The following ZFAND3 variants were observed in gnomAD, a reference collection of about 807,000 sequenced individuals.
ZFAND3 encodes zinc finger AN1-type containing 3, also known as AN1-type zinc finger protein 3.
Under a neutral mutation model 29.6 loss-of-function variants are expected in ZFAND3, and 10 were observed. The observed-to-expected ratio is 0.34, with a 90% CI of 0.21 to 0.57. The LOEUF (loss-of-function observed/expected upper bound fraction) is 0.57. Ranked by LOEUF, ZFAND3 falls within the 20% of genes least tolerant of loss-of-function variation. The probability of loss-of-function intolerance (pLI) is 0.86; values close to 1 mark genes in which losing one functional copy is unlikely to be tolerated. For missense variants in ZFAND3, 230 were observed against 304.5 expected (o/e 0.76, Z 1.82); for synonymous variants, 128 against 112.6 (o/e 1.14, Z -0.87).
rs566018536 is a variant in ZFAND3 at position 37,910,962 on chromosome 6, A to G, written c.72-18997A>G. ...CATCCATTAATGGGCACTTAGGTTGATTTCATGTCTTGGCTATTGTGAATA... is the reference window on the plus strand; with the variant it reads ...CATCCATTAATGGGCACTTAGGTTGGTTTCATGTCTTGGCTATTGTGAATA... On this transcript the variant is annotated intron_variant, in intron 1 of 5. Coordinates refer to ENST00000287218, the MANE Select transcript of ZFAND3 (RefSeq NM_021943.3). 1.3e-4 allele frequency among the ~76,000 whole-genome samples: 20 copies of G among 152,240 alleles called. No homozygotes were observed. The South Asian group carries it at 4.1e-3, about 32-fold the overall frequency.
At chr6:37,943,198 T>C (rs1003815480) in intron 2 of ZFAND3, among the ~76,000 whole-genome samples, 2 of 152,192 alleles carry the variant, frequency 1.3e-5, no homozygotes, top group African/African-American at 4.8e-5. Context: ...GGGAAAGTCT[T>C]GCAAGCCCTA....
chr6:38,114,010 G>A (rs1233159652), intron 4 of ZFAND3, among the ~76,000 whole-genome samples: 1 of 152,218 alleles, frequency 6.6e-6, no homozygotes, highest in Non-Finnish European at 1.5e-5. Flanking sequence ...TTAGAGTAGA[G>A]GTGTGCTGGC....
chr6:38,081,749 T>G (rs1351097376), intron 3 of ZFAND3, among the ~76,000 whole-genome samples: 6 of 152,230 alleles, frequency 3.9e-5, no homozygotes, highest in African/African-American at 1.2e-4. Context: ...CAACTATATC[T>G]CTTGCATACT....
intron 2 of ZFAND3, among the ~76,000 whole-genome samples, chr6:38,055,115 A>G (rs1561982604): frequency 6.6e-6 from 1 of 152,212 alleles, no homozygotes; most frequent in Non-Finnish European, 1.5e-5. Context: ...TATATGAACC[A>G]AACTCTTGAG....
intron 2 of ZFAND3, among the ~76,000 whole-genome samples, chr6:37,950,154 T>G (rs1260135038): frequency 6.6e-6 from 1 of 152,216 alleles, no homozygotes; most frequent in Non-Finnish European, 1.5e-5. Flanking sequence ...ATACTTAGGT[T>G]CCACTTGTTA....
chr6:37,906,399 T>A (rs993811341), intron 1 of ZFAND3, among the ~76,000 whole-genome samples: 2 of 152,218 alleles, frequency 1.3e-5, no homozygotes, highest in Non-Finnish European at 2.9e-5. Flanking sequence ...AACATTCCAT[T>A]GTATGGATAT....
intron 2 of ZFAND3, among the ~76,000 whole-genome samples, chr6:37,936,150 T>C (rs1343728175): frequency 6.6e-6 from 1 of 152,218 alleles, no homozygotes; most frequent in Non-Finnish European, 1.5e-5. Context: ...ATGGTTTTGC[T>C]GACCTCCTAA....
chr6:37,955,395 C>A (rs946453064), intron 2 of ZFAND3, among the ~76,000 whole-genome samples: 11 of 152,208 alleles, frequency 7.2e-5, no homozygotes, highest in African/African-American at 2.6e-4. Context: ...AGTTTGGTTG[C>A]TTTTTAAGGG....
At chr6:38,136,388 C>T (rs978280627) in intron 5 of ZFAND3, among the ~76,000 whole-genome samples, 2 of 152,098 alleles carry the variant, frequency 1.3e-5, no homozygotes, top group African/African-American at 4.8e-5. Context: ...GGTGGGTGAC[C>T]GGAAGACAGA....
chr6:38,148,491 A>C (rs1766154473), intron 5 of ZFAND3, among the ~76,000 whole-genome samples: 1 of 152,160 alleles, frequency 6.6e-6, no homozygotes, highest in South Asian at 2.1e-4. Flanking sequence ...AGGAAGTGTT[A>C]AGGCTGGCCT....
chr6:37,948,708 A>G (rs915202808), intron 2 of ZFAND3, among the ~76,000 whole-genome samples: 10 of 152,102 alleles, frequency 6.6e-5, no homozygotes, highest in Non-Finnish European at 1.5e-5. Context: ...AACATGTGGT[A>G]TTTCGTTTTC....
chr6:37,874,161 C>A (rs997632230), intron 1 of ZFAND3, among the ~76,000 whole-genome samples: 53 of 152,266 alleles, frequency 3.5e-4, no homozygotes, highest in Admixed American at 2.7e-3. Flanking sequence ...TTGTAGATGG[C>A]CATCTTCTCC....
intron 1 of ZFAND3, among the ~76,000 whole-genome samples, chr6:37,867,764 A>T (rs1764614971): frequency 6.6e-6 from 1 of 152,222 alleles, no homozygotes; most frequent in Admixed American, 6.5e-5. Flanking sequence ...AAAGTTCCCA[A>T]AGTATGCTTT....
intron 1 of ZFAND3, among the ~76,000 whole-genome samples, chr6:37,907,311 A>G (rs1397291723): frequency 2.6e-5 from 4 of 152,204 alleles, no homozygotes; most frequent in African/African-American, 9.7e-5. Context: ...TCAACTTAAC[A>G]GCATTGTACC....
intron 1 of ZFAND3, among the ~76,000 whole-genome samples, chr6:37,839,212 AC>A (rs1764024524): frequency 6.8e-6 from 1 of 146,566 alleles, no homozygotes; most frequent in Non-Finnish European, 1.5e-5. Flanking sequence ...ACAGAGTCTT[AC>A]TCTGTCGCCC....
At chr6:38,111,260 G>T (rs2127482381) in intron 4 of ZFAND3, among the ~76,000 whole-genome samples, 2 of 152,282 alleles carry the variant, frequency 1.3e-5, no homozygotes, top group Middle Eastern at 6.8e-3. Context: ...CACATCTGTG[G>T]ATTCAACCAA....
At position 37,952,644 on chromosome 6, in the gene ZFAND3, G is replaced by T. The variant is rs192324534; in HGVS notation, c.112+22645G>T. 1.0e-3 allele frequency among the ~76,000 whole-genome samples: 155 copies of T among 152,172 alleles called. 1 individual carries two copies. Among genetic ancestry groups the T allele is most frequent in the Non-Finnish European group, 1.7e-3 (117 of 68,002 alleles). ...CTTCTCCATACAGCTCTTCCTGTCA[G>T]CTCAAATGTCTGTGGGGGTCCTGGG... is the stretch of plus-strand genomic sequence containing the variant. On this transcript the variant is annotated intron_variant, in intron 2 of 5. Coordinates refer to ENST00000287218, the MANE Select transcript of ZFAND3 (RefSeq NM_021943.3).
At chr6:38,005,475 G>A (rs761117287) in intron 2 of ZFAND3, among the ~76,000 whole-genome samples, 5 of 152,206 alleles carry the variant, frequency 3.3e-5, no homozygotes, top group Middle Eastern at 3.4e-3. Context: ...ACTGTCAATG[G>A]CATCTGACTT....
chr6:37,822,687 A>C (rs1274226581), intron 1 of ZFAND3, among the ~76,000 whole-genome samples: 1 of 152,152 alleles, frequency 6.6e-6, no homozygotes, highest in Non-Finnish European at 1.5e-5. Context: ...GAGGTAGAGG[A>C]AAGTAGCCTG....
Sources: gnomAD v4.1 joint callset for allele counts (sites outside exome capture counted in the v4.1 genomes callset) on GRCh38, gnomAD v4.1.1 for gene constraint, MANE v1.5 for transcripts, NCBI Gene and HGNC (gene_info 2026-07-23, HGNC 2026-07-21) for gene names.